The following ANK3 variants were observed in gnomAD, a reference collection of about 807,000 sequenced individuals.
The protein encoded by ANK3 is ankyrin 3.
ANK3 carries 57 observed loss-of-function variants against 370.9 expected under a neutral mutation model. The observed-to-expected ratio is 0.15, with a 90% CI of 0.12 to 0.19. The LOEUF (loss-of-function observed/expected upper bound fraction) is 0.19. Ranked by LOEUF, ANK3 falls within the 10% of genes least tolerant of loss-of-function variation. ANK3 has a pLI of 1.00. For synonymous variants in ANK3, 1,929 were observed against 1,946.3 expected (o/e 0.99, Z 0.23); for missense variants, 4,439 against 5,302.1 (o/e 0.84, Z 5.06).
intron 1 of ANK3, among the ~76,000 whole-genome samples, chr10:60,388,968 C>T (rs1299073733): frequency 6.6e-6 from 1 of 152,136 alleles, no homozygotes; most frequent in African/African-American, 2.4e-5. Flanking sequence ...GGTCACAGAT[C>T]TGCCTGGGAA....
chr10:60,066,210 A>G (rs2081605170), intron 38 of ANK3, among the ~76,000 whole-genome samples: 1 of 152,202 alleles, frequency 6.6e-6, no homozygotes, highest in Non-Finnish European at 1.5e-5. Flanking sequence ...TCCATTGTCT[A>G]GAGACTTAAT....
chr10:60,684,471 C>T (rs541205773), intron 1 of ANK3: 5 of 1,230,910 alleles, frequency 4.1e-6, no homozygotes, highest in Admixed American at 2.3e-5. Flanking sequence ...AAGTAGAAAG[C>T]GTTTCAATTT....
At chr10:60,529,156 C>T (rs994945729) in intron 2 of ANK3, among the ~76,000 whole-genome samples, 3 of 152,000 alleles carry the variant, frequency 2.0e-5, no homozygotes, top group Admixed American at 6.6e-5. Flanking sequence ...GTTGCTCTCC[C>T]GAGATAAAGT....
In ANK3 at chr10:60,263,964, C is replaced by T. The variant is rs1034472134; in HGVS notation, c.570G>A (p.Ser190=). ...CTTTGGTGTCATTCTCTAGCAGGAG[C>T]GAAACGACTTGGTCGTGACCTTGTT... is the stretch of plus-strand genomic sequence containing the variant. The part of the protein sequence containing the change: ...ALQQGHDQVV[S]LLLENDTKGK... Residue 190 remains serine, a synonymous_variant, in exon 6 of 44, where the codon TCG becomes TCA. Coordinates refer to ENST00000280772, the MANE Select transcript of ANK3 (RefSeq NM_020987.5). The T allele has an allele frequency of 1.2e-6, 2 of 1,614,054 alleles. No homozygotes were observed. The highest frequency in any genetic ancestry group is 1.7e-6 in the Non-Finnish European group (2 of 1,179,994).
At chr10:60,476,583 T>C (rs1456085446) in intron 2 of ANK3, among the ~76,000 whole-genome samples, 6 of 152,184 alleles carry the variant, frequency 3.9e-5, no homozygotes, top group Non-Finnish European at 7.3e-5. Flanking sequence ...GCACTAACCA[T>C]ATGTTTTTGA....
At position 60,085,137 on chromosome 10, in the gene ANK3, G is replaced by T; in HGVS notation, c.3845+20C>A. 6.3e-7 allele frequency: 1 copy of T among 1,577,196 alleles called. No homozygotes were observed. The highest frequency in any genetic ancestry group is 1.2e-5 in the South Asian group (1 of 86,946). ...AAAAACTAATTCCTTACTGCTTTTT[G>T]GAATCCTTTATTTCCATACCTGGCT... On this transcript the variant is annotated intron_variant, in intron 31 of 43. Coordinates refer to ENST00000280772, the MANE Select transcript of ANK3 (RefSeq NM_020987.5).
intron 2 of ANK3, among the ~76,000 whole-genome samples, chr10:60,579,701 T>C (rs1338938928): frequency 2.6e-5 from 4 of 152,202 alleles, no homozygotes; most frequent in Non-Finnish European, 4.4e-5. Context: ...TATAGTCTTC[T>C]GGATTTGTCA....
intron 1 of ANK3, among the ~76,000 whole-genome samples, chr10:60,365,625 C>A (rs543919233): frequency 1.3e-5 from 2 of 152,156 alleles, no homozygotes; most frequent in Non-Finnish European, 2.9e-5. Context: ...TTAAATGGAA[C>A]GAGAGAAAAA....
At position 60,264,034 on chromosome 10, in the gene ANK3, G is replaced by A; in HGVS notation, c.514-14C>T. 6.3e-7 allele frequency: 1 copy of A among 1,596,478 alleles called. No homozygotes were observed. The highest frequency in any genetic ancestry group is 8.6e-7 in the Non-Finnish European group (1 of 1,166,210). On this transcript the variant is annotated splice_polypyrimidine_tract_variant and intron_variant, in intron 5 of 43. Transcript: ENST00000280772. Reference sequence around the variant, plus strand: ...TGTGAAGCCATCCTGCAAATAAATGGATGGGTCAAGATGGGCTCCAATGAA... The same window carrying A: ...TGTGAAGCCATCCTGCAAATAAATGAATGGGTCAAGATGGGCTCCAATGAA...
intron 23 of ANK3, among the ~76,000 whole-genome samples, chr10:60,147,174 A>G (rs574683282): frequency 6.6e-6 from 1 of 152,302 alleles, no homozygotes; most frequent in East Asian, 1.9e-4. Flanking sequence ...AGGTTCCTGC[A>G]TGTAGCCCAG....
intron 7 of ANK3, among the ~76,000 whole-genome samples, chr10:60,244,060 C>T (rs565515035): frequency 7.9e-5 from 12 of 152,246 alleles, no homozygotes; most frequent in African/African-American, 2.9e-4. Context: ...AAAACAACTG[C>T]CTCTGCTGGG....
intron 2 of ANK3, among the ~76,000 whole-genome samples, chr10:60,547,704 GAC>G (rs1247156570): frequency 4.6e-5 from 7 of 151,966 alleles, no homozygotes; most frequent in African/African-American, 1.4e-4. Context: ...GAGACAGAGA[GAC>G]AGAGAGAAGG....
At chr10:60,241,175 G>C (rs58081548) in intron 7 of ANK3, among the ~76,000 whole-genome samples, 2 of 151,092 alleles carry the variant, frequency 1.3e-5, no homozygotes, top group African/African-American at 4.9e-5. Flanking sequence ...AAAATATGAT[G>C]ATTTTTTTTC....
chr10:60,486,503 C>A (rs542084581), intron 2 of ANK3, among the ~76,000 whole-genome samples: 1 of 152,116 alleles, frequency 6.6e-6, no homozygotes, highest in African/African-American at 2.4e-5. Flanking sequence ...TCACTTGAAC[C>A]CAGGAGGCAG....
At chr10:60,632,643 T>A (rs565428744) in intron 1 of ANK3, among the ~76,000 whole-genome samples, 1 of 152,212 alleles carries the variant, frequency 6.6e-6, no homozygotes, top group South Asian at 2.1e-4. Context: ...TCCCAGCTAC[T>A]CAAGAAGCTG....
At position 60,069,300 on chromosome 10, in the gene ANK3, G is replaced by C. The variant is rs2082249043; in HGVS notation, c.11581C>G (p.Gln3861Glu). The part of the protein sequence containing the change: ...QKTKELIGIR[Q>E]KSKLPIKATS... ...GCCTTTATGGGAAGTTTGGATTTTTGCCTAATCCCTATCAATTCCTTTGTT... is the reference window on the plus strand; with the variant it reads ...GCCTTTATGGGAAGTTTGGATTTTTCCCTAATCCCTATCAATTCCTTTGTT... Residue 3861 changes from glutamine (Q) to glutamate (E), a missense_variant, in exon 37 of 44, where the codon CAA becomes GAA. Gln to Glu is a conservative substitution (Grantham distance 29, BLOSUM62 2). Coordinates refer to ENST00000280772, the MANE Select transcript of ANK3 (RefSeq NM_020987.5). 21 of 1,613,928 alleles carry C rather than the reference G, an allele frequency of 1.3e-5. No individual in the cohort carries two copies. Among genetic ancestry groups the C allele is most frequent in the Non-Finnish European group, 1.8e-5 (21 of 1,179,998 alleles).
chr10:60,249,715 G>A (rs962167686), intron 7 of ANK3, among the ~76,000 whole-genome samples: 6 of 152,122 alleles, frequency 3.9e-5, no homozygotes, highest in Non-Finnish European at 5.9e-5. Context: ...ATGTCCTAAG[G>A]AGCTGGAGCT....
intron 15 of ANK3, 97 bp from the exon 16 acceptor site, chr10:60,196,340 G>T: frequency 2.6e-6 from 3 of 1,143,802 alleles, no homozygotes; most frequent in Non-Finnish European, 2.5e-6. Context: ...ACGACATAGG[G>T]CATATTTACA....
At chr10:60,590,898 T>A (rs2077900630) in intron 2 of ANK3, among the ~76,000 whole-genome samples, 1 of 152,234 alleles carries the variant, frequency 6.6e-6, no homozygotes, top group South Asian at 2.1e-4. Context: ...TTTTCCGACA[T>A]ATTTTCAATC....
Sources: allele counts gnomAD v4.1 joint callset (sites outside exome capture counted in the v4.1 genomes callset), GRCh38; gene constraint gnomAD v4.1.1; transcripts MANE v1.5; gene names NCBI Gene and HGNC (gene_info 2026-07-23, HGNC 2026-07-21).